Variants in LRRTM4 observed in about 807,000 individuals in gnomAD.
LRRTM4 encodes the protein leucine rich repeat transmembrane neuronal 4.
A neutral mutation model predicts 47.6 loss-of-function variants in LRRTM4; 25 were observed. The ratio of observed to expected loss-of-function variants is 0.53; its 90% CI spans 0.38 to 0.73. The LOEUF is 0.73. Among genes scored for constraint, LRRTM4 ranks in the 30% least tolerant of loss-of-function variants. The pLI, the probability that LRRTM4 is intolerant of heterozygous loss-of-function variation, is 0.00. For synonymous variants in LRRTM4, 311 were observed against 269.5 expected (o/e 1.15, Z -1.51); for missense variants, 638 against 713.4 (o/e 0.89, Z 1.20).
intron 3 of LRRTM4, among the ~76,000 whole-genome samples, chr2:77,000,972 G>T (rs17013563): frequency 0.037 from 5,614 of 152,174 alleles, 225 homozygotes; most frequent in East Asian, 0.14. Context: ...TACCTCAGGG[G>T]AGAACGATTT....
intron 2 of LRRTM4, among the ~76,000 whole-genome samples, chr2:77,521,252 C>T (rs1159118611): frequency 1.3e-5 from 2 of 151,874 alleles, no homozygotes; most frequent in African/African-American, 4.8e-5. Flanking sequence ...CCTTGTGCAA[C>T]CTCTGATAAA....
intron 3 of LRRTM4, among the ~76,000 whole-genome samples, chr2:77,228,675 CAAGATTGGCTTTCAGCCA>C (rs1674879890): frequency 6.6e-6 from 1 of 152,190 alleles, no homozygotes; most frequent in Non-Finnish European, 1.5e-5. Context: ...GCTGAGTTAG[CAAGATTGGCTTTCAGCCA>C]AAGTTCTGTC....
chr2:76,986,219 T>A (rs1020667829), intron 3 of LRRTM4, among the ~76,000 whole-genome samples: 2 of 150,212 alleles, frequency 1.3e-5, no homozygotes, highest in African/African-American at 5.0e-5. Flanking sequence ...CTGAAGAGTG[T>A]GCATTTAAAA....
chr2:77,469,463 C>A (rs573034048), intron 3 of LRRTM4, among the ~76,000 whole-genome samples: 1 of 152,212 alleles, frequency 6.6e-6, no homozygotes, highest in East Asian at 1.9e-4. Context: ...TCGCTGCTAA[C>A]AGTAAAGACA....
At chr2:76,821,964 C>A (rs1671064627) in intron 3 of LRRTM4, among the ~76,000 whole-genome samples, 1 of 151,316 alleles carries the variant, frequency 6.6e-6, no homozygotes. Context: ...TAGAGGGATA[C>A]TAAGAAAGTT....
chr2:77,081,455 GAAATA>G (rs987099391), intron 3 of LRRTM4, among the ~76,000 whole-genome samples: 13 of 151,654 alleles, frequency 8.6e-5, no homozygotes, highest in Non-Finnish European at 7.4e-5. Context: ...AATAGAAAAT[GAAATA>G]AAAATCACTG....
At chr2:77,257,147 T>C (rs1558656563) in intron 3 of LRRTM4, among the ~76,000 whole-genome samples, 1 of 152,048 alleles carries the variant, frequency 6.6e-6, no homozygotes, top group African/African-American at 2.4e-5. Flanking sequence ...TTCAACTTGA[T>C]AATACTTTTT....
In LRRTM4 at chr2:76,749,231, T is replaced by C. The variant is rs536418946; in HGVS notation, c.1552-315A>G. Among the ~76,000 whole-genome samples, 333 of 152,294 alleles carry C rather than the reference T, an allele frequency of 2.2e-3. 2 individuals carry two copies. Among genetic ancestry groups the C allele is most frequent in the African/African-American group, 7.8e-3 (323 of 41,560 alleles). On this transcript the variant is annotated intron_variant, in intron 3 of 3. Coordinates refer to ENST00000409884, the MANE Select transcript of LRRTM4 (RefSeq NM_001134745.3). ...GCCCAGGGAATTTTAAAATTGATTA[T>C]GTAGATCCTACATTTGAATGTAGAT... is the stretch of plus-strand genomic sequence containing the variant.
At chr2:77,319,577 C>T (rs575975801) in intron 3 of LRRTM4, among the ~76,000 whole-genome samples, 2 of 152,282 alleles carry the variant, frequency 1.3e-5, no homozygotes, top group East Asian at 1.9e-4. Flanking sequence ...TCAGCTTATC[C>T]TTATGTCCCC....
intron 3 of LRRTM4, among the ~76,000 whole-genome samples, chr2:76,963,656 A>G (rs1363175469): frequency 6.6e-6 from 1 of 150,912 alleles, no homozygotes; most frequent in Non-Finnish European, 1.5e-5. Context: ...TATGTTTTCA[A>G]AGCCTTAGGA....
At chr2:76,885,781 T>TA (rs1047420375) in intron 3 of LRRTM4, among the ~76,000 whole-genome samples, 18 of 151,984 alleles carry the variant, frequency 1.2e-4, no homozygotes, top group African/African-American at 4.1e-4. Context: ...ATACTTTTTT[T>TA]AAAAAAAGCT....
intron 3 of LRRTM4, among the ~76,000 whole-genome samples, chr2:76,992,986 G>T (rs924007015): frequency 1.3e-5 from 2 of 151,756 alleles, no homozygotes; most frequent in African/African-American, 4.8e-5. Context: ...ACAACCATCT[G>T]ATCTTTGATG....
At chr2:77,032,229 G>C (rs775823364) in intron 3 of LRRTM4, among the ~76,000 whole-genome samples, 2 of 152,072 alleles carry the variant, frequency 1.3e-5, no homozygotes, top group Non-Finnish European at 2.9e-5. Flanking sequence ...TTCTTCTGAA[G>C]CAATTCCCTC....
At chr2:77,323,509 C>G (rs1670635474) in intron 3 of LRRTM4, among the ~76,000 whole-genome samples, 1 of 152,044 alleles carries the variant, frequency 6.6e-6, no homozygotes, top group Admixed American at 6.6e-5. Context: ...TTTCATGTAG[C>G]TTTCCTGCTG....
chr2:77,276,400 G>A (rs1379631765), intron 3 of LRRTM4, among the ~76,000 whole-genome samples: 1 of 147,026 alleles, frequency 6.8e-6, no homozygotes, highest in African/African-American at 2.5e-5. Context: ...GAGGGAGGGA[G>A]GGGAAAAGAA....
chr2:77,218,878 A>T (rs1039165118), intron 3 of LRRTM4, among the ~76,000 whole-genome samples: 4 of 152,178 alleles, frequency 2.6e-5, no homozygotes, highest in Admixed American at 2.6e-4. Flanking sequence ...AAAAAAAATT[A>T]AAACAAAAAA....
At chr2:77,438,899 G>T (rs1030707070) in intron 3 of LRRTM4, among the ~76,000 whole-genome samples, 4 of 152,234 alleles carry the variant, frequency 2.6e-5, no homozygotes, top group African/African-American at 9.6e-5. Context: ...AAAACTTTCT[G>T]TAAAGCATCA....
intron 3 of LRRTM4, among the ~76,000 whole-genome samples, chr2:76,861,478 T>C (rs937172243): frequency 6.6e-6 from 1 of 152,164 alleles, no homozygotes; most frequent in Admixed American, 6.6e-5. Context: ...CAGTTTAAAT[T>C]TCTTGCAGAG....
chr2:77,115,029 G>C (rs1166547288), intron 3 of LRRTM4, among the ~76,000 whole-genome samples: 1 of 152,058 alleles, frequency 6.6e-6, no homozygotes, highest in Non-Finnish European at 1.5e-5. Context: ...TACTGCAGGA[G>C]ACCAGGGCGT....
Sources: gnomAD v4.1 joint callset for allele counts (sites outside exome capture counted in the v4.1 genomes callset) on GRCh38, gnomAD v4.1.1 for gene constraint, MANE v1.5 for transcripts, NCBI Gene and HGNC (gene_info 2026-07-23, HGNC 2026-07-21) for gene names.